The following MSRA variants were observed in gnomAD, a reference collection of about 807,000 sequenced individuals.
MSRA encodes the protein mitochondrial peptide methionine sulfoxide reductase.
Under a neutral mutation model 31.3 loss-of-function variants are expected in MSRA, and 54 were observed. That is an observed-to-expected ratio of 1.73 (90% confidence interval 1.39 to 2.17). The LOEUF (loss-of-function observed/expected upper bound fraction) is 2.17. MSRA is among the 30% of genes most tolerant of loss of function. MSRA has a pLI of 0.00. For synonymous variants in MSRA, 169 were observed against 116.5 expected (o/e 1.45, Z -2.90); for missense variants, 507 against 300.9 (o/e 1.69, Z -5.07).
intron 4 of MSRA, among the ~76,000 whole-genome samples, chr8:10,313,634 G>A (rs911501272): frequency 3.7e-4 from 57 of 152,170 alleles, no homozygotes; most frequent in African/African-American, 1.3e-3. Context: ...GATCCCAACA[G>A]TTTTGTTGTT....
rs534642712 is a variant in MSRA, at chr8:10,074,058, CTTTTTTTTTTTTTTT to C, written c.142+19426_142+19440del. Among the ~76,000 whole-genome samples the C allele has an allele frequency of 6.2e-3, 183 of 29,438 alleles. 1 individual carries two copies. The highest frequency in any genetic ancestry group is 0.012 in the Admixed American group (19 of 1,616). The allele number at this position is 29,438 out of a possible 152,430, so 19.3% of individuals were successfully genotyped here. ...CATTTTGTTTTGTCTAAGGGAGGTG[CTTTTTTTTTTTTTTT>C]TTTTTTTTTTTTTTTTTTTTTTTTT... is the stretch of plus-strand genomic sequence containing the variant. On this transcript the variant is annotated intron_variant, in intron 1 of 5. Coordinates refer to ENST00000317173, the MANE Select transcript of MSRA (RefSeq NM_012331.5).
chr8:10,412,696 G>A (rs1408450425), intron 5 of MSRA, among the ~76,000 whole-genome samples: 4 of 152,178 alleles, frequency 2.6e-5, no homozygotes, highest in Non-Finnish European at 4.4e-5. Flanking sequence ...GTATACAGAA[G>A]GCAAATAGGA....
chr8:10,251,717 T>G (rs1289742422), intron 3 of MSRA, among the ~76,000 whole-genome samples: 1 of 152,096 alleles, frequency 6.6e-6, no homozygotes, highest in Non-Finnish European at 1.5e-5. Flanking sequence ...GCAAGACAGA[T>G]TAGTTCAGTG....
At chr8:10,279,353 C>G (rs1012272507) in intron 3 of MSRA, among the ~76,000 whole-genome samples, 6 of 152,138 alleles carry the variant, frequency 3.9e-5, no homozygotes, top group African/African-American at 1.4e-4. Context: ...ATTTTAGAAA[C>G]ACATTCTCAG....
At chr8:10,113,960 C>T (rs1218870338) in intron 1 of MSRA, among the ~76,000 whole-genome samples, 1 of 152,122 alleles carries the variant, frequency 6.6e-6, no homozygotes, top group Non-Finnish European at 1.5e-5. Context: ...AGCACTCACT[C>T]CTCATTCTCC....
At chr8:10,079,192 TTTG>T in intron 1 of MSRA, among the ~76,000 whole-genome samples, 1 of 152,078 alleles carries the variant, frequency 6.6e-6, no homozygotes, top group Non-Finnish European at 1.5e-5. Flanking sequence ...AGGGTCTCAC[TTTG>T]TGGGCCAGGC....
chr8:10,248,907 C>G (rs889441973), intron 3 of MSRA, among the ~76,000 whole-genome samples: 35 of 152,318 alleles, frequency 2.3e-4, no homozygotes, highest in African/African-American at 7.0e-4. Context: ...TCAGCCTGCT[C>G]TGAATCACAG....
intron 5 of MSRA, among the ~76,000 whole-genome samples, chr8:10,397,795 A>G (rs1807191812): frequency 6.6e-6 from 1 of 152,254 alleles, no homozygotes; most frequent in African/African-American, 2.4e-5. Context: ...TCTTTGAAGA[A>G]CATTCTGTTT....
At chr8:10,345,465 C>T (rs1803711037) in intron 5 of MSRA, among the ~76,000 whole-genome samples, 1 of 152,148 alleles carries the variant, frequency 6.6e-6, no homozygotes, top group Admixed American at 6.5e-5. Context: ...AAGGGTCCAC[C>T]ATTATCACCA....
At chr8:10,089,874 T>A (rs1798772136) in intron 1 of MSRA, among the ~76,000 whole-genome samples, 1 of 152,188 alleles carries the variant, frequency 6.6e-6, no homozygotes, top group African/African-American at 2.4e-5. Context: ...GAGAGCTCAC[T>A]TGATCCCTTG....
intron 2 of MSRA, among the ~76,000 whole-genome samples, chr8:10,226,995 C>T (rs1425366052): frequency 6.6e-6 from 1 of 152,202 alleles, no homozygotes; most frequent in Non-Finnish European, 1.5e-5. Context: ...TTTTGAGAAG[C>T]CTGGGCTTCC....
At chr8:10,250,834 A>G (rs1797878476) in intron 3 of MSRA, 2 of 217,434 alleles carry the variant, frequency 9.2e-6, no homozygotes, top group Non-Finnish European at 1.8e-5. Flanking sequence ...TTGTGGTTGG[A>G]TTCTTATATG....
intron 1 of MSRA, among the ~76,000 whole-genome samples, chr8:10,125,860 G>A (rs191235955): frequency 7.9e-5 from 12 of 152,110 alleles, no homozygotes; most frequent in Admixed American, 2.6e-4. Context: ...ACAACAATGC[G>A]TCATCCTTTA....
At chr8:10,367,172 T>TCTACACTGC (rs1183026529) in intron 5 of MSRA, among the ~76,000 whole-genome samples, 5 of 152,348 alleles carry the variant, frequency 3.3e-5, no homozygotes, top group African/African-American at 1.2e-4. Context: ...ATCCACGCTG[T>TCTACACTGC]CTACACTGCC....
intron 2 of MSRA, among the ~76,000 whole-genome samples, chr8:10,238,304 A>C (rs935444176): frequency 6.6e-6 from 1 of 152,196 alleles, no homozygotes; most frequent in Non-Finnish European, 1.5e-5. Flanking sequence ...GTGCTTTCCC[A>C]GCCCACCTGA....
At position 10,428,797 on chromosome 8, in the gene MSRA, G is replaced by C. The variant is rs1463160697; in HGVS notation, c.*485G>C. On this transcript the variant is annotated 3_prime_UTR_variant, in exon 6 of 6. Coordinates refer to ENST00000317173, the MANE Select transcript of MSRA (RefSeq NM_012331.5). ...CCCTTTTCAGCCCTCTCTGTGCAGA[G>C]AAAAGATGTGAGTCCGCTTGATGAA... is the stretch of plus-strand genomic sequence containing the variant. 6.2e-6 allele frequency: 1 copy of C among 162,572 alleles called. No homozygotes were observed. 10.1% of individuals were successfully genotyped at this position (162,572 alleles called of 1,614,324 possible). A position where few individuals can be genotyped will look rare whatever the true frequency, so the allele number is the denominator to read the frequency against.
chr8:10,186,997 T>A (rs1275602605), intron 1 of MSRA, among the ~76,000 whole-genome samples: 2 of 152,218 alleles, frequency 1.3e-5, no homozygotes, highest in Non-Finnish European at 2.9e-5. Flanking sequence ...GAGGGTTGCC[T>A]TTGTTTCTGT....
At chr8:10,126,235 G>A (rs1202922960) in intron 1 of MSRA, among the ~76,000 whole-genome samples, 2 of 152,200 alleles carry the variant, frequency 1.3e-5, no homozygotes, top group African/African-American at 2.4e-5. Context: ...AGAAGATGAT[G>A]GGCAAAATGG....
chr8:10,381,536 T>A (rs1265132453), intron 5 of MSRA, among the ~76,000 whole-genome samples: 2 of 152,194 alleles, frequency 1.3e-5, no homozygotes, highest in African/African-American at 2.4e-5. Context: ...TCCATCACCC[T>A]TCACAATGGA....
Sources: gnomAD v4.1 joint callset for allele counts (sites outside exome capture counted in the v4.1 genomes callset) on GRCh38, gnomAD v4.1.1 for gene constraint, MANE v1.5 for transcripts, NCBI Gene and HGNC (gene_info 2026-07-23, HGNC 2026-07-21) for gene names.